The following VAV3 variants were observed in gnomAD, a reference collection of about 807,000 sequenced individuals.
VAV3 encodes the protein vav guanine nucleotide exchange factor 3.
Under a neutral mutation model 131.2 loss-of-function variants are expected in VAV3, and 94 were observed. The observed-to-expected ratio is 0.72, with a 90% CI of 0.61 to 0.85. The LOEUF is 0.85. Ranked by LOEUF, VAV3 falls within the 40% of genes least tolerant of loss-of-function variation. The pLI is 0.00. For missense variants in VAV3, 939 were observed against 1,002.7 expected (o/e 0.94, Z 0.86); for synonymous variants, 349 against 342.0 (o/e 1.02, Z -0.22).
At chr1:107,860,103 T>C (rs1360841309) in intron 2 of VAV3, among the ~76,000 whole-genome samples, 1 of 152,156 alleles carries the variant, frequency 6.6e-6, no homozygotes, top group Non-Finnish European at 1.5e-5. Context: ...AGATAGTAGA[T>C]GAATCAAATA....
rs1009990635 is a variant in VAV3, at chr1:107,964,574, C to A, written c.204+92G>T. ...GCTGGGAAGCAGGGCAAGCTCAGCG[C>A]ACCTAGACGTTTGCATTTACACAAA... On this transcript the variant is annotated intron_variant, in intron 1 of 26. Transcript: ENST00000370056. 9 of 1,395,450 alleles carry A rather than the reference C, an allele frequency of 6.4e-6. No individual in the cohort carries two copies. In the East Asian group the frequency reaches 2.0e-4, roughly 31 times the overall value. 86.4% of individuals were successfully genotyped at this position (1,395,450 alleles called of 1,614,324 possible). A position where few individuals can be genotyped will look rare whatever the true frequency, so the allele number is the denominator to read the frequency against.
At chr1:107,623,020 C>T (rs893123021) in intron 20 of VAV3, among the ~76,000 whole-genome samples, 1 of 152,020 alleles carries the variant, frequency 6.6e-6, no homozygotes, top group East Asian at 1.9e-4. Context: ...AGGAAAAGAC[C>T]GAGTCAGAAA....
intron 2 of VAV3, among the ~76,000 whole-genome samples, chr1:107,859,070 G>T (rs1277049997): frequency 7.1e-6 from 1 of 140,832 alleles, no homozygotes; most frequent in Non-Finnish European, 1.6e-5. Context: ...AGATTCTTGA[G>T]GAGTTTTTTT....
intron 2 of VAV3, among the ~76,000 whole-genome samples, chr1:107,851,495 G>A (rs1314240564): frequency 1.3e-5 from 2 of 151,464 alleles, no homozygotes; most frequent in Non-Finnish European, 2.9e-5. Flanking sequence ...TATTAAGCTG[G>A]AAAGCCTTTA....
At chr1:107,829,107 G>A (rs1004940966) in intron 2 of VAV3, among the ~76,000 whole-genome samples, 2 of 152,118 alleles carry the variant, frequency 1.3e-5, no homozygotes, top group Non-Finnish European at 2.9e-5. Context: ...TTGCCATGAT[G>A]AGCCAATTAC....
chr1:107,945,736 C>T (rs190423106), intron 1 of VAV3, among the ~76,000 whole-genome samples: 92 of 149,800 alleles, frequency 6.1e-4, no homozygotes, highest in African/African-American at 2.2e-3. Context: ...GCGGGAGAAT[C>T]GCTTGAACCT....
chr1:107,659,466 CA>C (rs1338056694), intron 19 of VAV3, among the ~76,000 whole-genome samples: 1 of 151,944 alleles, frequency 6.6e-6, no homozygotes, highest in Non-Finnish European at 1.5e-5. Context: ...TCACAATGTC[CA>C]AAAAAAGAAC....
At chr1:107,575,072 C>A (rs1649548281) in intron 25 of VAV3, among the ~76,000 whole-genome samples, 1 of 151,514 alleles carries the variant, frequency 6.6e-6, no homozygotes, top group African/African-American at 2.4e-5. Context: ...TTCTCCCTGG[C>A]CCTGCTGGCC....
At position 107,704,648 on chromosome 1, in the gene VAV3, C is replaced by T; in HGVS notation, c.1607G>A (p.Gly536Glu). The T allele has an allele frequency of 1.2e-6, 2 of 1,611,460 alleles. No homozygotes were observed. The highest frequency in any genetic ancestry group is 1.7e-6 in the Non-Finnish European group (2 of 1,178,294). Residue 536 changes from glycine to glutamate, a missense_variant and splice_region_variant, in exon 17 of 27, where the codon GGA becomes GAA. Physicochemically the swap from Gly to Glu is moderately conservative, Grantham distance 98. Coordinates refer to ENST00000370056, the MANE Select transcript of VAV3 (RefSeq NM_006113.5). ...SCKVCQMLLR[G>E]TFYQGYLCFK... ...ACATAAATAGCCTTGATAAAATGTTCCCCTGAAAGGTGAAATAAGAAAGTG... is the reference window on the plus strand; with the variant it reads ...ACATAAATAGCCTTGATAAAATGTTTCCCTGAAAGGTGAAATAAGAAAGTG...
chr1:107,696,025 T>C (rs1200058109), intron 17 of VAV3, among the ~76,000 whole-genome samples: 17 of 152,176 alleles, frequency 1.1e-4, no homozygotes. Context: ...TTTTATTTTA[T>C]TATCTTTAAT....
chr1:107,767,589 T>G (rs1375902119), intron 7 of VAV3, among the ~76,000 whole-genome samples: 1 of 152,206 alleles, frequency 6.6e-6, no homozygotes, highest in African/African-American at 2.4e-5. Flanking sequence ...ATGCCATTGC[T>G]TACCAACTGC....
intron 2 of VAV3, chr1:107,785,647 G>T (rs570262283): frequency 1.3e-4 from 142 of 1,122,112 alleles, no homozygotes; most frequent in Non-Finnish European, 1.6e-4. Flanking sequence ...AGTGCCCTGT[G>T]GGGTTGTGGA....
intron 1 of VAV3, among the ~76,000 whole-genome samples, chr1:107,893,823 A>C (rs550406433): frequency 6.6e-6 from 1 of 152,316 alleles, no homozygotes; most frequent in African/African-American, 2.4e-5. Context: ...TAAATATGGC[A>C]TTGTTCTTCT....
chr1:107,729,318 T>G (rs769824602), intron 15 of VAV3, among the ~76,000 whole-genome samples: 13 of 152,178 alleles, frequency 8.5e-5, no homozygotes, highest in Non-Finnish European at 1.6e-4. Context: ...AAGTCATTAG[T>G]CAAAGACTAC....
intron 15 of VAV3, among the ~76,000 whole-genome samples, chr1:107,721,015 T>C (rs1260535220): frequency 1.3e-5 from 2 of 152,118 alleles, no homozygotes; most frequent in Non-Finnish European, 2.9e-5. Flanking sequence ...AGAGAAGAGA[T>C]CAGTGTTTAC....
In VAV3 at chr1:107,956,819, T is replaced by C. The variant is rs892362394; in HGVS notation, c.204+7847A>G. 3.9e-5 allele frequency among the ~76,000 whole-genome samples: 6 copies of C among 152,134 alleles called. 2 individuals carry two copies. The highest frequency in any genetic ancestry group is 3.9e-4 in the Admixed American group (6 of 15,266). On this transcript the variant is annotated intron_variant, in intron 1 of 26. Transcript: ENST00000370056. ...TCCTCCATTACATTCAGCAGCTCAG[T>C]TGTAAGCAGGGAATAAGTAACAAGT...
intron 1 of VAV3, among the ~76,000 whole-genome samples, chr1:107,886,894 A>G (rs1459869096): frequency 6.6e-6 from 1 of 152,228 alleles, no homozygotes; most frequent in Admixed American, 6.5e-5. Flanking sequence ...AAAAACTATC[A>G]GAAAAATTAA....
intron 18 of VAV3, 137 bp downstream of exon 18, chr1:107,688,244 G>C (rs1398762696): frequency 9.1e-7 from 1 of 1,093,502 alleles, no homozygotes; most frequent in Admixed American, 2.8e-5. Context: ...ACAATCACTT[G>C]GTTGTTCCCT....
intron 1 of VAV3, among the ~76,000 whole-genome samples, chr1:107,896,934 G>C (rs892100733): frequency 1.3e-5 from 2 of 152,056 alleles, no homozygotes; most frequent in African/African-American, 4.8e-5. Context: ...TCCAGAAATA[G>C]ACAGGAAAAT....
Sources: gnomAD v4.1 joint callset for allele counts (sites outside exome capture counted in the v4.1 genomes callset) on GRCh38, gnomAD v4.1.1 for gene constraint, MANE v1.5 for transcripts, NCBI Gene and HGNC (gene_info 2026-07-23, HGNC 2026-07-21) for gene names.